CHM: variants seen among roughly 807,000 people sequenced by gnomAD.
The protein encoded by CHM is CHM Rab escort protein, also known as rab proteins geranylgeranyltransferase component A 1.
CHM carries 10 observed loss-of-function variants against 49.0 expected under a neutral mutation model. The ratio of observed to expected loss-of-function variants is 0.20; its 90% CI spans 0.13 to 0.35. The LOEUF (loss-of-function observed/expected upper bound fraction) is 0.35. Among genes scored for constraint, CHM ranks in the 10% least tolerant of loss-of-function variants. The probability of loss-of-function intolerance (pLI) is 1.00; values close to 1 mark genes in which losing one functional copy is unlikely to be tolerated. For synonymous variants in CHM, 184 were observed against 167.5 expected (o/e 1.10, Z -0.76); for missense variants, 455 against 478.4 (o/e 0.95, Z 0.46).
chrX:86,028,248 T>C (rs1933916483), intron 1 of CHM, among the ~76,000 whole-genome samples: 1 of 111,731 alleles, frequency 9.0e-6, no homozygotes, highest in South Asian at 3.7e-4. Flanking sequence ...GAGATAACCA[T>C]ATGCATATGC....
intron 8 of CHM, among the ~76,000 whole-genome samples, chrX:85,924,671 C>T (rs745573470): frequency 8.9e-6 from 1 of 111,786 alleles, no homozygotes; most frequent in South Asian, 3.8e-4. Flanking sequence ...CTTAAGGAGT[C>T]ATCATGGACC....
intron 14 of CHM, among the ~76,000 whole-genome samples, chrX:85,867,067 G>C (rs1425675159): frequency 8.9e-6 from 1 of 111,804 alleles, no homozygotes; most frequent in Non-Finnish European, 1.9e-5. Flanking sequence ...ATGTGAAAAG[G>C]ACATGAGATT....
At chrX:85,909,402 G>C (rs1926793507) in intron 9 of CHM, among the ~76,000 whole-genome samples, 1 of 110,714 alleles carries the variant, frequency 9.0e-6, no homozygotes, top group African/African-American at 3.3e-5. Context: ...TCCTATACTA[G>C]ATTCACTTGG....
intron 4 of CHM, among the ~76,000 whole-genome samples, chrX:85,973,181 C>T (rs1456385129): frequency 1.9e-5 from 2 of 105,611 alleles, no homozygotes; most frequent in African/African-American, 6.9e-5. Context: ...TGCCTGTAGT[C>T]CCAGCTACTC....
intron 4 of CHM, among the ~76,000 whole-genome samples, chrX:85,972,868 G>A (rs1441225986): frequency 8.9e-6 from 1 of 112,475 alleles, no homozygotes; most frequent in Non-Finnish European, 1.9e-5. Context: ...AGGCAGAGGA[G>A]GCGCCGAGAG....
At chrX:86,017,951 A>G (rs1933376092) in intron 2 of CHM, among the ~76,000 whole-genome samples, 1 of 111,974 alleles carries the variant, frequency 8.9e-6, no homozygotes, top group Non-Finnish European at 1.9e-5. Flanking sequence ...ATTTCAAACA[A>G]TAACATTAAC....
intron 8 of CHM, among the ~76,000 whole-genome samples, chrX:85,924,008 C>T (rs1179077670): frequency 9.0e-6 from 1 of 111,624 alleles, no homozygotes; most frequent in Non-Finnish European, 1.9e-5. Context: ...CAGTAGGAAA[C>T]GAGGACGCAT....
intron 9 of CHM, among the ~76,000 whole-genome samples, chrX:85,910,630 T>C (rs752940615): frequency 7.0e-4 from 78 of 111,559 alleles, no homozygotes; most frequent in African/African-American, 2.5e-3. Flanking sequence ...AAGCAGCCTA[T>C]AGGCCTGATA....
intron 8 of CHM, among the ~76,000 whole-genome samples, chrX:85,948,038 C>G (rs1387189325): frequency 1.8e-5 from 2 of 110,792 alleles, no homozygotes; most frequent in African/African-American, 6.6e-5. Flanking sequence ...CCTCCTTTAA[C>G]AAAATTAAGT....
chrX:85,949,291 A>G (rs1325169764), intron 8 of CHM, among the ~76,000 whole-genome samples: 2 of 112,318 alleles, frequency 1.8e-5, no homozygotes, highest in Non-Finnish European at 3.8e-5. Context: ...ATAAAAACAA[A>G]ATGCATTTTT....
At chrX:85,866,235 C>G (rs1923684249) in intron 14 of CHM, among the ~76,000 whole-genome samples, 1 of 112,290 alleles carries the variant, frequency 8.9e-6, no homozygotes, top group Non-Finnish European at 1.9e-5. Flanking sequence ...TACCCTACAT[C>G]CCAGCTGCTC....
At chrX:86,024,723 T>C in intron 2 of CHM, among the ~76,000 whole-genome samples, 1 of 112,586 alleles carries the variant, frequency 8.9e-6, no homozygotes, top group East Asian at 2.8e-4. Context: ...TGTATCATAG[T>C]ACCTAGAAGA....
chrX:85,913,432 G>T (rs1927250318), intron 8 of CHM, among the ~76,000 whole-genome samples: 1 of 93,905 alleles, frequency 1.1e-5, no homozygotes. Context: ...GAGACTGGAG[G>T]ACAGGAGGCA....
chrX:86,034,017 T>TA (rs1169130953), intron 1 of CHM, among the ~76,000 whole-genome samples: 1 of 111,747 alleles, frequency 8.9e-6, no homozygotes. Context: ...TAGGGATGGC[T>TA]AATAAAAAGA....
At chrX:85,882,218 T>C (rs750558196) in intron 12 of CHM, among the ~76,000 whole-genome samples, 13 of 112,173 alleles carry the variant, frequency 1.2e-4, no homozygotes, top group African/African-American at 4.2e-4. Flanking sequence ...ACCAAACATG[T>C]AGAACATGCT....
At chrX:85,879,524 A>G (rs1412671129) in intron 12 of CHM, among the ~76,000 whole-genome samples, 3 of 112,078 alleles carry the variant, frequency 2.7e-5, no homozygotes, top group Non-Finnish European at 5.6e-5. Context: ...TTGAAAGCAC[A>G]TAAAACGGCA....
chrX:85,987,972 A>C (rs2147723982), intron 2 of CHM, among the ~76,000 whole-genome samples: 1 of 111,865 alleles, frequency 8.9e-6, no homozygotes, highest in Non-Finnish European at 1.9e-5. Flanking sequence ...AAACTATTCC[A>C]AAAAAATGAG....
intron 4 of CHM, among the ~76,000 whole-genome samples, chrX:85,976,875 AACACAC>A (rs201555478): frequency 0.23 from 17,620 of 76,083 alleles, 1,486 homozygotes; most frequent in Non-Finnish European, 0.35. Context: ...AACACACACA[AACACAC>A]ACACACACAC....
chrX:85,934,007 G>A (rs1928597319), intron 8 of CHM, among the ~76,000 whole-genome samples: 2 of 107,238 alleles, frequency 1.9e-5, no homozygotes, highest in Non-Finnish European at 3.8e-5. Context: ...TTGAGACGGA[G>A]TCTCGCTCTG....
Sources: gnomAD v4.1 joint callset for allele counts (sites outside exome capture counted in the v4.1 genomes callset) on GRCh38, gnomAD v4.1.1 for gene constraint, MANE v1.5 for transcripts, NCBI Gene and HGNC (gene_info 2026-07-23, HGNC 2026-07-21) for gene names.